F13B: variants seen among roughly 807,000 people sequenced by gnomAD.
F13B encodes TGase.
F13B carries 58 observed loss-of-function variants against 79.8 expected under a neutral mutation model. That is an observed-to-expected ratio of 0.73 (90% CI 0.59 to 0.90). The LOEUF (loss-of-function observed/expected upper bound fraction) is 0.90, where lower values mean the gene tolerates loss of function less well. F13B is among the 40% of genes least tolerant of loss of function. The pLI is 0.00. For missense variants in F13B, 773 were observed against 777.0 expected (o/e 0.99, Z 0.06); for synonymous variants, 283 against 260.3 (o/e 1.09, Z -0.84).
At position 197,052,729 on chromosome 1, in the gene F13B, T is replaced by A. The variant is rs1187200331; in HGVS notation, c.1460A>T (p.Lys487Ile). ...LHGDLIDFVC[K>I]QGYDLSPLTP... ...TAATGGAGATAAGTCATATCCCTGT[T>A]TACATACAAAATCTATTAAATCTCC... is the stretch of plus-strand genomic sequence containing the variant. Residue 487 changes from lysine to isoleucine, a missense_variant, in exon 9 of 12, where the codon AAA (lysine) becomes ATA (isoleucine). Transcript: ENST00000367412. 1 of 1,611,902 alleles carries A rather than the reference T, an allele frequency of 6.2e-7. No homozygotes were observed.
chr1:197,066,892 C>T (rs894331975), intron 1 of F13B, among the ~76,000 whole-genome samples: 2 of 152,028 alleles, frequency 1.3e-5, no homozygotes, highest in Non-Finnish European at 2.9e-5. Flanking sequence ...AAAACCTTTT[C>T]GAAGTATTTA....
rs17514253 is a variant in F13B, at chr1:197,060,957, C to T, written c.570G>A (p.Lys190=). ...CATGYYTAGG[K]KTEEVECLTY... The stretch of plus-strand genomic sequence containing the variant: ...TGAGACATTCTACCTCCTCTGTCTT[C>T]TTTCCTCCAGCTGTGTAGTAGCCAG... The change falls in exon 4 of 12, where the codon AAG becomes AAA. Residue 190 remains lysine, a synonymous_variant. Coordinates refer to ENST00000367412, the MANE Select transcript of F13B (RefSeq NM_001994.3). 7.5e-3 allele frequency: 12,054 copies of T among 1,613,274 alleles called. 85 individuals carry two copies. The highest frequency in any genetic ancestry group is 7.8e-3 in the Non-Finnish European group (9,215 of 1,179,448).
At position 197,050,809 on chromosome 1, in the gene F13B, G is replaced by A. The variant is rs767545927; in HGVS notation, c.1626C>T (p.Thr542=). 1.2e-6 allele frequency: 2 copies of A among 1,613,268 alleles called. No homozygotes were observed. The highest frequency in any genetic ancestry group is 1.7e-5 in the Admixed American group (1 of 59,870). ...HGVIISSTVD[T]YENGSSVEYR... ...ATTCTACTGAAGAGCCATTTTCATAGGTGTCTACTGTTGAACTAATAATGA... is the reference window on the plus strand; with the variant it reads ...ATTCTACTGAAGAGCCATTTTCATAAGTGTCTACTGTTGAACTAATAATGA... The change falls in exon 10 of 12, where the codon ACC becomes ACT. Residue 542 remains threonine (T), a synonymous_variant. Transcript: ENST00000367412.
intron 10 of F13B, 43 bp downstream of exon 10, chr1:197,050,654 T>G (rs1405216690): frequency 6.4e-7 from 1 of 1,559,486 alleles, no homozygotes; most frequent in African/African-American, 1.4e-5. Flanking sequence ...AAATTAAAAA[T>G]ATATAGTTTT....
intron 10 of F13B, among the ~76,000 whole-genome samples, chr1:197,046,719 A>C (rs1459881785): frequency 6.6e-6 from 1 of 152,356 alleles, no homozygotes; most frequent in South Asian, 2.1e-4. Context: ...TCCTAAGCAA[A>C]AAGAACAAAG....
intron 10 of F13B, among the ~76,000 whole-genome samples, chr1:197,041,369 A>G (rs1396098638): frequency 6.6e-6 from 1 of 152,214 alleles, no homozygotes; most frequent in Non-Finnish European, 1.5e-5. Flanking sequence ...ATGGTAAAGT[A>G]TGTATTAAAA....
chr1:197,042,183 A>G (rs1304819918), intron 10 of F13B, among the ~76,000 whole-genome samples: 6 of 152,250 alleles, frequency 3.9e-5, no homozygotes, highest in Non-Finnish European at 8.8e-5. Context: ...CTACTTATTA[A>G]ATGCCTATGT....
At position 197,060,460 on chromosome 1, in the gene F13B, AACG is replaced by A; in HGVS notation, c.708_710del (p.Val237del). 6 of 1,609,594 alleles carry A rather than the reference AACG, an allele frequency of 3.7e-6. No homozygotes were observed. Among genetic ancestry groups the A allele is most frequent in the South Asian group, 3.3e-5 (3 of 90,494 alleles). On this transcript the variant is annotated inframe_deletion, in exon 5 of 12. Coordinates refer to ENST00000367412, the MANE Select transcript of F13B (RefSeq NM_001994.3). ...AATAATTTTCATGACAGAAAAACTG[AACG>A]ACATCTCCTTCTTCATAGGTTTGCT...
At chr1:197,053,244 A>G (rs932313283) in intron 8 of F13B, among the ~76,000 whole-genome samples, 1 of 152,134 alleles carries the variant, frequency 6.6e-6, no homozygotes, top group African/African-American at 2.4e-5. Flanking sequence ...TAATAAATAT[A>G]ATAAAGACAT....
intron 5 of F13B, among the ~76,000 whole-genome samples, chr1:197,059,613 T>G (rs1021653776): frequency 6.6e-6 from 1 of 152,236 alleles, no homozygotes; most frequent in Non-Finnish European, 1.5e-5. Context: ...TGTCCATCAC[T>G]TCTGTGAATG....
intron 1 of F13B, among the ~76,000 whole-genome samples, chr1:197,064,792 A>C (rs17514521): frequency 0.019 from 2,823 of 152,276 alleles, 88 homozygotes; most frequent in African/African-American, 0.064. Flanking sequence ...AGTCATAAAA[A>C]CACTTAAAAG....
intron 9 of F13B, among the ~76,000 whole-genome samples, chr1:197,051,240 T>C (rs1176390566): frequency 1.3e-5 from 2 of 152,160 alleles, no homozygotes; most frequent in Non-Finnish European, 2.9e-5. Context: ...TTCTCAAATA[T>C]TTTTAAAATA....
intron 10 of F13B, 80 bp downstream of exon 10, chr1:197,050,617 G>T: frequency 8.3e-7 from 1 of 1,209,944 alleles, no homozygotes; most frequent in Non-Finnish European, 1.2e-6. Context: ...CATTATATTA[G>T]TGTTATGTTA....
Position 197,057,025 on chromosome 1 carries a change from G to A in F13B, c.1159C>T (p.Pro387Ser). Residue 387 changes from proline (P) to serine (S), a missense_variant, in exon 7 of 12, where the codon CCT (proline) becomes TCT (serine). Physicochemically the swap from Pro to Ser is moderately conservative, Grantham distance 74 (BLOSUM62 -1). Transcript: ENST00000367412. ...GTAGCATACATACCAACACACTCAGGAGGAAGTGTCCATTTTCCACGATTA... is the reference window on the plus strand; with the variant it reads ...GTAGCATACATACCAACACACTCAGAAGGAAGTGTCCATTTTCCACGATTA... ...TCNRGKWTLP[P>S]ECVENNENCK... 3 of 1,613,460 alleles carry A rather than the reference G, an allele frequency of 1.9e-6. No homozygotes were observed. The highest frequency in any genetic ancestry group is 2.5e-6 in the Non-Finnish European group (3 of 1,179,812).
chr1:197,055,583 A>T, intron 8 of F13B, 132 bp downstream of exon 8: 1 of 941,032 alleles, frequency 1.1e-6, no homozygotes, highest in Non-Finnish European at 1.7e-6. Context: ...GGGACTTTCT[A>T]CTTAAAGAAA....
chr1:197,053,333 C>T (rs975271191), intron 8 of F13B, among the ~76,000 whole-genome samples: 29 of 152,074 alleles, frequency 1.9e-4, no homozygotes, highest in African/African-American at 2.7e-4. Flanking sequence ...TCCCATAATT[C>T]CCATATGTCA....
At chr1:197,052,605 G>A (rs887394171) in intron 9 of F13B, 29 bp downstream of exon 9, 8 of 1,494,842 alleles carry the variant, frequency 5.4e-6, no homozygotes, top group Non-Finnish European at 1.9e-6. Context: ...GTCAAGTAAA[G>A]ATACTTGCAG....
chr1:197,059,377 A>G (rs1244890149), intron 5 of F13B, among the ~76,000 whole-genome samples: 1 of 152,166 alleles, frequency 6.6e-6, no homozygotes, highest in Non-Finnish European at 1.5e-5. Context: ...AGTTCTGGCA[A>G]TCCCACTGCA....
intron 10 of F13B, among the ~76,000 whole-genome samples, chr1:197,043,451 A>G (rs1655116045): frequency 6.6e-6 from 1 of 152,208 alleles, no homozygotes; most frequent in Admixed American, 6.5e-5. Flanking sequence ...TAACAAAAAT[A>G]TCAAGAATTT....
Sources: allele counts gnomAD v4.1 joint callset (sites outside exome capture counted in the v4.1 genomes callset), GRCh38; gene constraint gnomAD v4.1.1; transcripts MANE v1.5; gene names NCBI Gene and HGNC (gene_info 2026-07-23, HGNC 2026-07-21).